The following FGF2 variants were observed in gnomAD, a reference collection of about 807,000 sequenced individuals.
FGF2 encodes the protein fibroblast growth factor 2.
A neutral mutation model predicts 15.9 loss-of-function variants in FGF2; 13 were observed. The observed-to-expected ratio is 0.82, with a 90% confidence interval of 0.53 to 1.30. The LOEUF is 1.30. Ranked by LOEUF, FGF2 falls within the 50% of genes most tolerant of loss-of-function variation. FGF2 has a pLI of 0.00. For missense variants in FGF2, 163 were observed against 196.9 expected, an observed-to-expected ratio of 0.83 and a Z score of 1.03; for synonymous variants, 90 against 78.4, an observed-to-expected ratio of 1.15 and a Z score of -0.78.
rs565970566 is a variant in FGF2 at position 122,881,600 on chromosome 4, A to G, written c.282+5176A>G. On this transcript the variant is annotated intron_variant, in intron 2 of 2. Transcript: ENST00000644866. ...AGTTCCCAACAAGTTCCTCATCTCC[A>G]TTTGAGACCTCCTCAGCCTGGATTT... 1.5e-3 allele frequency among the ~76,000 whole-genome samples: 236 copies of G among 152,294 alleles called. 2 individuals carry two copies. The highest frequency in any genetic ancestry group is 5.4e-3 in the African/African-American group (226 of 41,558).
chr4:122,885,210 T>A (rs1241915935), intron 2 of FGF2, among the ~76,000 whole-genome samples: 1 of 152,242 alleles, frequency 6.6e-6, no homozygotes, highest in African/African-American at 2.4e-5. Flanking sequence ...ATTTTGTAAA[T>A]GTCATTGAAT....
Position 122,863,682 on chromosome 4 carries a change from G to A in FGF2, c.179-12639G>A, listed in dbSNP as rs112158832. Among the ~76,000 whole-genome samples the A allele has an allele frequency of 7.8e-4, 119 of 152,264 alleles. 1 individual carries two copies. Among genetic ancestry groups the A allele is most frequent in the African/African-American group, 2.6e-3 (110 of 41,558 alleles). On this transcript the variant is annotated intron_variant, in intron 1 of 2. Coordinates refer to ENST00000644866, the MANE Select transcript of FGF2 (RefSeq NM_001361665.2). ...TAGCACCTGTAAAAAACTCCAGTAT[G>A]ACACCAATCACATGGCTGCAATTCT...
chr4:122,842,682 A>G (rs962791585), intron 1 of FGF2, among the ~76,000 whole-genome samples: 1 of 152,186 alleles, frequency 6.6e-6, no homozygotes, highest in African/African-American at 2.4e-5. Flanking sequence ...TGTTGGGTCT[A>G]GTTATGCTTT....
chr4:122,859,829 G>A (rs900195930), intron 1 of FGF2, among the ~76,000 whole-genome samples: 19 of 152,100 alleles, frequency 1.2e-4, no homozygotes, highest in Admixed American at 5.2e-4. Flanking sequence ...TAACATCTGC[G>A]GTTTACTTCA....
rs45473102 is a variant in FGF2 at position 122,829,329 on chromosome 4, T to C, written c.178+1977T>C. 4.6e-4 allele frequency among the ~76,000 whole-genome samples: 70 copies of C among 152,296 alleles called. 3 individuals carry two copies. In the East Asian group the frequency reaches 0.013, roughly 29 times the overall value. Reference sequence around the variant, plus strand: ...AATGCCTGGAGACATTTTTGGTTGCTGTAACCTGGAAGGGTGCTACTGGCA... The same window carrying C: ...AATGCCTGGAGACATTTTTGGTTGCCGTAACCTGGAAGGGTGCTACTGGCA... On this transcript the variant is annotated intron_variant, in intron 1 of 2. Transcript: ENST00000644866.
At chr4:122,875,622 A>G (rs1477047504) in intron 1 of FGF2, among the ~76,000 whole-genome samples, 4 of 152,128 alleles carry the variant, frequency 2.6e-5, no homozygotes, top group Admixed American at 2.6e-4. Flanking sequence ...TCTGGCTAAC[A>G]TGGTGAAACC....
chr4:122,897,465 T>TAGAATAATTA lies in FGF2; in HGVS notation c.*5069_*5070insAGAATAATTA. On this transcript the variant is annotated 3_prime_UTR_variant, in exon 3 of 3. Coordinates refer to ENST00000644866, the MANE Select transcript of FGF2 (RefSeq NM_001361665.2). ...TAAACTGTAATATTAGAAATTATGC[T>TAGAATAATTA]GCTAATTATATCAGCTCTGAGGTAA... is the stretch of plus-strand genomic sequence containing the variant. The TAGAATAATTA allele has an allele frequency of 1.5e-6, 1 of 648,816 alleles. No homozygotes were observed. Among genetic ancestry groups the TAGAATAATTA allele is most frequent in the South Asian group, 1.8e-5 (1 of 56,030 alleles). The allele number at this position is 648,816 out of a possible 1,614,324, so 40.2% of individuals were successfully genotyped here.
chr4:122,856,085 T>A (rs993248812), intron 1 of FGF2, among the ~76,000 whole-genome samples: 8 of 152,154 alleles, frequency 5.3e-5, no homozygotes, highest in African/African-American at 1.4e-4. Flanking sequence ...GAAAAAAAAA[T>A]TTTCAAATAG....
Position 122,827,059 on chromosome 4 carries a change from G to T in FGF2, c.-116G>T. ...GCGCTGCCGGGCGGGAGGCTGGGGG[G>T]CCGGGGCCGGGGCCGTGCCCCGGAG... On this transcript the variant is annotated 5_prime_UTR_variant, in exon 1 of 3. Transcript: ENST00000644866. This position sits in a 1 kb window ranked among gnomAD's most constrained non-coding sequence, Gnocchi z 4.2. 9.2e-7 allele frequency: 1 copy of T among 1,090,576 alleles called. No individual in the cohort carries two copies. Among genetic ancestry groups the T allele is most frequent in the Non-Finnish European group, 1.1e-6 (1 of 899,394 alleles). 67.6% of individuals were successfully genotyped at this position (1,090,576 alleles called of 1,614,324 possible).
intron 1 of FGF2, among the ~76,000 whole-genome samples, chr4:122,871,657 G>A (rs1019538677): frequency 6.6e-6 from 1 of 151,916 alleles, no homozygotes; most frequent in African/African-American, 2.4e-5. Flanking sequence ...ACCCATCTTT[G>A]CTGTTCTCTA....
intron 1 of FGF2, among the ~76,000 whole-genome samples, chr4:122,870,271 C>T (rs1726702875): frequency 6.6e-6 from 1 of 151,276 alleles, no homozygotes; most frequent in African/African-American, 2.4e-5. Context: ...CAGTGTTCAT[C>T]AGGGATGTTG....
chr4:122,867,596 A>G (rs1726627449), intron 1 of FGF2, among the ~76,000 whole-genome samples: 1 of 152,160 alleles, frequency 6.6e-6, no homozygotes, highest in African/African-American at 2.4e-5. Context: ...CTGCCTGCCA[A>G]GGCCTCCCAG....
chr4:122,839,327 G>A (rs1313652230), intron 1 of FGF2, among the ~76,000 whole-genome samples: 1 of 152,076 alleles, frequency 6.6e-6, no homozygotes, highest in Non-Finnish European at 1.5e-5. Context: ...AGAAAAAATC[G>A]AGGGTATCTT....
At chr4:122,842,085 T>C (rs1371562266) in intron 1 of FGF2, among the ~76,000 whole-genome samples, 1 of 152,208 alleles carries the variant, frequency 6.6e-6, no homozygotes, top group Non-Finnish European at 1.5e-5. Context: ...CCTCTCTTTT[T>C]CTAGAAGAAG....
At chr4:122,851,120 A>G (rs1402056799) in intron 1 of FGF2, among the ~76,000 whole-genome samples, 6 of 152,126 alleles carry the variant, frequency 3.9e-5, no homozygotes, top group South Asian at 4.1e-4. Context: ...TCAACCTGCT[A>G]TGTCTTGTTG....
rs562462791 is a variant in FGF2 at position 122,850,468 on chromosome 4, C to T, written c.178+23116C>T. Among the ~76,000 whole-genome samples the T allele has an allele frequency of 6.6e-5, 10 of 152,002 alleles. No individual in the cohort carries two copies. The East Asian group carries it at 1.2e-3, about 18-fold the overall frequency. ...TTATTCTTCCAGAAATAACATTGAG[C>T]GATGGTGGATGACTTTATAGATGTC... On this transcript the variant is annotated intron_variant, in intron 1 of 2. Transcript: ENST00000644866.
intron 1 of FGF2, among the ~76,000 whole-genome samples, chr4:122,837,981 A>G (rs755043995): frequency 2.6e-5 from 4 of 152,228 alleles, no homozygotes; most frequent in African/African-American, 4.8e-5. Context: ...ACATATTTAT[A>G]TATATCTACA....
At chr4:122,844,991 T>C (rs980142769) in intron 1 of FGF2, among the ~76,000 whole-genome samples, 1 of 152,204 alleles carries the variant, frequency 6.6e-6, no homozygotes, top group African/African-American at 2.4e-5. Flanking sequence ...TTACTATCTA[T>C]GGCAGCTATA....
chr4:122,842,235 A>C (rs1461002537), intron 1 of FGF2, among the ~76,000 whole-genome samples: 1 of 152,214 alleles, frequency 6.6e-6, no homozygotes, highest in South Asian at 2.1e-4. Context: ...TATGGAGTGC[A>C]TCTTTCCTCC....
Sources: allele counts gnomAD v4.1 joint callset (sites outside exome capture counted in the v4.1 genomes callset), GRCh38; gene constraint gnomAD v4.1.1; non-coding constraint Gnocchi (gnomAD v3.1); transcripts MANE v1.5; gene names NCBI Gene and HGNC (gene_info 2026-07-23, HGNC 2026-07-21).